ABCC4: variants seen among roughly 807,000 people sequenced by gnomAD.
The protein encoded by ABCC4 is ATP binding cassette subfamily C member 4 (PEL blood group).
A neutral mutation model predicts 168.5 loss-of-function variants in ABCC4; 102 were observed. The observed-to-expected ratio is 0.61, with a 90% CI of 0.52 to 0.71. The LOEUF (loss-of-function observed/expected upper bound fraction) is 0.71. Ranked by LOEUF, ABCC4 falls within the 30% of genes least tolerant of loss-of-function variation. ABCC4 has a pLI of 0.00. For synonymous variants in ABCC4, 617 were observed against 590.7 expected (o/e 1.04, Z -0.65); for missense variants, 1,402 against 1,605.8 (o/e 0.87, Z 2.17).
intron 8 of ABCC4, among the ~76,000 whole-genome samples, chr13:95,203,362 A>T (rs2038685972): frequency 7.2e-6 from 1 of 138,472 alleles, no homozygotes; most frequent in Non-Finnish European, 1.5e-5. Flanking sequence ...TTGGAGACAG[A>T]GCCTCACTCT....
intron 14 of ABCC4, 152 bp downstream of exon 14, chr13:95,170,380 G>GT (rs1343026631): frequency 3.8e-6 from 2 of 526,266 alleles, no homozygotes; most frequent in Non-Finnish European, 6.7e-6. Context: ...GGTTTAGCAT[G>GT]TAATAATGAC....
rs201390689 is a variant in ABCC4, at chr13:95,083,187, C to T, written c.2639G>A (p.Arg880Gln). ...PLGIIFIFLR[R>Q]YFLETSRDVK... ...ATCTCTTGACGTTTCCAAAAAATAT[C>T]GCCGAAGAAAAATGAAAATGATTCC... The change falls in exon 21 of 31, where the codon CGA becomes CAA. Residue 880 changes from arginine (R) to glutamine (Q), a missense_variant. Coordinates refer to ENST00000645237, the MANE Select transcript of ABCC4 (RefSeq NM_005845.5). The T allele has an allele frequency of 1.3e-5, 21 of 1,613,848 alleles. No individual in the cohort carries two copies. Among genetic ancestry groups the T allele is most frequent in the Middle Eastern group, 3.3e-4 (2 of 6,052 alleles).
intron 18 of ABCC4, among the ~76,000 whole-genome samples, chr13:95,162,391 T>A (rs942736686): frequency 2.6e-5 from 4 of 152,330 alleles, no homozygotes; most frequent in Middle Eastern, 3.4e-3. Context: ...ATATTTAAAA[T>A]TTTAGATGAA....
intron 8 of ABCC4, among the ~76,000 whole-genome samples, chr13:95,201,927 C>G (rs888571376): frequency 6.6e-6 from 1 of 152,062 alleles, no homozygotes; most frequent in African/African-American, 2.4e-5. Flanking sequence ...GAGCTGAGAT[C>G]GTGCCACTGC....
intron 4 of ABCC4, among the ~76,000 whole-genome samples, chr13:95,214,020 T>C (rs1426101558): frequency 6.6e-6 from 1 of 152,142 alleles, no homozygotes; most frequent in African/African-American, 2.4e-5. Context: ...GCACCTATTA[T>C]AATATGTCAA....
At chr13:95,095,507 A>C (rs1269620715) in intron 20 of ABCC4, among the ~76,000 whole-genome samples, 2 of 152,188 alleles carry the variant, frequency 1.3e-5, no homozygotes, top group African/African-American at 4.8e-5. Flanking sequence ...CAAAGGCATA[A>C]GAATGATACA....
At position 95,296,135 on chromosome 13, in the gene ABCC4, AACACACACACACACACAC is replaced by A. The variant is rs753316849; in HGVS notation, c.74+5088_74+5105del. Among the ~76,000 whole-genome samples, 7 of 98,958 alleles carry A rather than the reference AACACACACACACACACAC, an allele frequency of 7.1e-5. No homozygotes were observed. In the East Asian group the frequency reaches 1.2e-3, roughly 17 times the overall value. 64.9% of individuals were successfully genotyped at this position (98,958 alleles called of 152,430 possible). A position where few individuals can be genotyped will look rare whatever the true frequency, so the allele number is the denominator to read the frequency against. On this transcript the variant is annotated intron_variant, in intron 1 of 30. Transcript: ENST00000645237. ...GCAACAGAGCAAGACCCTGTCTCAA[AACACACACACACACACAC>A]ACACACACACACACACACACACACA... is the stretch of plus-strand genomic sequence containing the variant.
At chr13:95,066,430 C>G (rs955460510) in intron 25 of ABCC4, among the ~76,000 whole-genome samples, 3 of 152,082 alleles carry the variant, frequency 2.0e-5, no homozygotes, top group Non-Finnish European at 4.4e-5. Context: ...TGGGCAGGGC[C>G]TATATTGGAA....
Position 95,075,501 on chromosome 13 carries a change from T to A in ABCC4, c.2737A>T (p.Thr913Ser), listed in dbSNP as rs763799346. The change falls in exon 22 of 31, where the codon ACC becomes TCC. Residue 913 changes from threonine to serine, a missense_variant. Around this residue, in one of 3 missense-constraint regions of ABCC4, gnomAD observed 1,007 missense variants for 1,127.3 expected, o/e 0.89. Transcript: ENST00000645237. ...HLSSSLQGLW[T>S]IRAYKAEERC... is the part of the protein sequence containing the mutation. ...TCTTCTGCTTTGTATGCCCGGATGG[T>A]CCAGAGCCCCTGGAGAGAAGATGAT... 1 of 1,614,024 alleles carries A rather than the reference T, an allele frequency of 6.2e-7. No homozygotes were observed. Among genetic ancestry groups the A allele is most frequent in the East Asian group, 2.2e-5 (1 of 44,870 alleles).
intron 27 of ABCC4, among the ~76,000 whole-genome samples, chr13:95,052,508 T>A (rs1013163930): frequency 2.6e-5 from 4 of 152,152 alleles, no homozygotes; most frequent in Non-Finnish European, 5.9e-5. Context: ...AGGAACCACA[T>A]AAATAATAGA....
chr13:95,275,498 C>T (rs1004223419), intron 1 of ABCC4, among the ~76,000 whole-genome samples: 1 of 152,152 alleles, frequency 6.6e-6, no homozygotes, highest in Non-Finnish European at 1.5e-5. Flanking sequence ...AAAACTCCCC[C>T]ATCCCCTTGT....
At chr13:95,123,643 G>C (rs779225113) in intron 19 of ABCC4, among the ~76,000 whole-genome samples, 1 of 152,318 alleles carries the variant, frequency 6.6e-6, no homozygotes, top group African/African-American at 2.4e-5. Context: ...TTACAGGCAT[G>C]AGCCACCACA....
chr13:95,139,316 G>A (rs1049312764), intron 19 of ABCC4, among the ~76,000 whole-genome samples: 3 of 152,218 alleles, frequency 2.0e-5, no homozygotes, highest in Non-Finnish European at 4.4e-5. Context: ...CCAAAGGAGG[G>A]ATGAAGGAGG....
In ABCC4 at chr13:95,175,307, T is replaced by A. The variant is rs188216476; in HGVS notation, c.1727+2400A>T. ...ATTGAACAGAGAACCTTTTTTAAAA[T>A]TTTTTTTTTATTATTATTATTTTTG... On this transcript the variant is annotated intron_variant, in intron 13 of 30. Coordinates refer to ENST00000645237, the MANE Select transcript of ABCC4 (RefSeq NM_005845.5). 1.1e-3 allele frequency among the ~76,000 whole-genome samples: 169 copies of A among 151,002 alleles called. 6 individuals are homozygous for A. In the East Asian group the frequency reaches 0.03, roughly 27 times the overall value.
chr13:95,075,711 G>T, intron 21 of ABCC4, 160 bp from the exon 22 acceptor site: 1 of 856,110 alleles, frequency 1.2e-6, no homozygotes, highest in Non-Finnish European at 1.7e-6. Context: ...AGCCTGAGGG[G>T]ACCCTGCCAC....
chr13:95,160,996 C>T (rs1410746991), intron 19 of ABCC4, among the ~76,000 whole-genome samples, 193 bp downstream of exon 19: 1 of 149,138 alleles, frequency 6.7e-6, no homozygotes, highest in South Asian at 2.2e-4. Context: ...TGTATGCCCC[C>T]CCCTCCCCCC....
intron 1 of ABCC4, among the ~76,000 whole-genome samples, chr13:95,254,011 A>C (rs748171268): frequency 1.3e-5 from 2 of 151,820 alleles, no homozygotes; most frequent in African/African-American, 2.4e-5. Flanking sequence ...TCTCACCTCA[A>C]CCTCCCAAGT....
intron 26 of ABCC4, among the ~76,000 whole-genome samples, chr13:95,057,569 T>C (rs16950526): frequency 6.6e-6 from 1 of 152,160 alleles, no homozygotes; most frequent in Non-Finnish European, 1.5e-5. Flanking sequence ...ACTCCAGGAC[T>C]GGCCCCTGAC....
chr13:95,125,626 C>T (rs1175238356), intron 19 of ABCC4, among the ~76,000 whole-genome samples: 1 of 152,170 alleles, frequency 6.6e-6, no homozygotes, highest in Non-Finnish European at 1.5e-5. Flanking sequence ...TCTACCTCAT[C>T]CCAGACCTTA....
Sources: gnomAD v4.1 joint callset for allele counts (sites outside exome capture counted in the v4.1 genomes callset) on GRCh38, gnomAD v4.1.1 for gene constraint, gnomAD v4.1.1 regional missense constraint, MANE v1.5 for transcripts, NCBI Gene and HGNC (gene_info 2026-07-23, HGNC 2026-07-21) for gene names.